ADAMTS12: variants seen among roughly 807,000 people sequenced by gnomAD.
The protein encoded by ADAMTS12 is A disintegrin and metalloproteinase with thrombospondin motifs 12.
ADAMTS12 carries 118 observed loss-of-function variants against 167.8 expected under a neutral mutation model. That is an observed-to-expected ratio of 0.70 (90% CI 0.61 to 0.82). The LOEUF is 0.82. ADAMTS12 is among the 40% of genes least tolerant of loss of function. ADAMTS12 has a pLI of 0.00. For synonymous variants in ADAMTS12, 704 were observed against 716.9 expected, an observed-to-expected ratio of 0.98 and a Z score of 0.29; for missense variants, 1,916 against 1,998.8, an observed-to-expected ratio of 0.96 and a Z score of 0.79.
chr5:33,580,649 AT>A (rs1163340266), intron 18 of ADAMTS12, among the ~76,000 whole-genome samples: 1 of 152,244 alleles, frequency 6.6e-6, no homozygotes, highest in African/African-American at 2.4e-5. Flanking sequence ...TAACAGCTAC[AT>A]TTGGCCCACT....
At chr5:33,881,009 G>A in intron 2 of ADAMTS12, 110 bp downstream of exon 2, 2 of 1,465,486 alleles carry the variant, frequency 1.4e-6, no homozygotes, top group East Asian at 4.6e-5. Flanking sequence ...CACATCACAG[G>A]GGTTCAACTC....
In ADAMTS12 at chr5:33,576,805, G is replaced by C; in HGVS notation, c.3221C>G (p.Pro1074Arg). The change falls in exon 19 of 24, where the codon CCT becomes CGT. Residue 1074 changes from proline (P) to arginine (R), a missense_variant. Physicochemically the swap from Pro to Arg is moderately radical, Grantham distance 103. Coordinates refer to ENST00000504830, the MANE Select transcript of ADAMTS12 (RefSeq NM_030955.4). Reference protein sequence around the residue: ...GKQWQDSSTQPELSSRYLIST... With the variant: ...GKQWQDSSTQRELSSRYLIST... The stretch of plus-strand genomic sequence containing the variant: ...AATGAGATAGCGAGAGCTCAGCTCA[G>C]GTTGGGTTGAGCTATCTTGCCACTG... 6.2e-7 allele frequency: 1 copy of C among 1,614,224 alleles called. No individual in the cohort carries two copies.
At chr5:33,886,552 G>GTA (rs1230852439) in intron 1 of ADAMTS12, among the ~76,000 whole-genome samples, 1 of 152,252 alleles carries the variant, frequency 6.6e-6, no homozygotes, top group Non-Finnish European at 1.5e-5. Flanking sequence ...TTGGCAAAGA[G>GTA]TATAGCAGGG....
chr5:33,806,227 A>G (rs1339968524), intron 2 of ADAMTS12, among the ~76,000 whole-genome samples: 2 of 152,206 alleles, frequency 1.3e-5, no homozygotes, highest in Non-Finnish European at 2.9e-5. Flanking sequence ...ATGAAAATAC[A>G]AAAAAATACT....
intron 2 of ADAMTS12, among the ~76,000 whole-genome samples, chr5:33,824,723 T>C (rs1747994008): frequency 6.6e-6 from 1 of 152,148 alleles, no homozygotes; most frequent in Non-Finnish European, 1.5e-5. Flanking sequence ...CAGCAGAGAC[T>C]GCCTCAGTGT....
In ADAMTS12 at chr5:33,862,163, G is replaced by A. The variant is rs189446522; in HGVS notation, c.489+18956C>T. ...CAAATTCAAAACCTAGCAAAAGACA[G>A]GAAATAACTAAGATCAGAGCAGAAT... On this transcript the variant is annotated intron_variant, in intron 2 of 23. Coordinates refer to ENST00000504830, the MANE Select transcript of ADAMTS12 (RefSeq NM_030955.4). Among the ~76,000 whole-genome samples, 5 of 151,872 alleles carry A rather than the reference G, an allele frequency of 3.3e-5. No individual in the cohort carries two copies. In the East Asian group the frequency reaches 9.7e-4, roughly 29 times the overall value.
Position 33,529,074 on chromosome 5 carries a change from A to G in ADAMTS12, c.4607-1708T>C, listed in dbSNP as rs371180031. Among the ~76,000 whole-genome samples, 11 of 152,106 alleles carry G rather than the reference A, an allele frequency of 7.2e-5. No homozygotes were observed. In the East Asian group the frequency reaches 1.3e-3, roughly 19 times the overall value. ...AAAAGAAGAAAAAAAATAATAACCA[A>G]TGCTTCCAGAGTGAGTGAGGGATAC... is the stretch of plus-strand genomic sequence containing the variant. On this transcript the variant is annotated intron_variant, in intron 23 of 23. Transcript: ENST00000504830.
chr5:33,726,377 C>T (rs1743982374), intron 3 of ADAMTS12, among the ~76,000 whole-genome samples: 1 of 152,074 alleles, frequency 6.6e-6, no homozygotes, highest in African/African-American at 2.4e-5. Flanking sequence ...GTCAACTCAC[C>T]ACCAAAACCC....
chr5:33,651,944 T>C (rs34076126), intron 7 of ADAMTS12, among the ~76,000 whole-genome samples: 4,373 of 152,270 alleles, frequency 0.029, 96 homozygotes, highest in Non-Finnish European at 0.043. Flanking sequence ...TCCAACTCCA[T>C]CTATGTTGCT....
chr5:33,538,494 C>T (rs77055001), intron 22 of ADAMTS12, among the ~76,000 whole-genome samples: 2,154 of 152,228 alleles, frequency 0.014, 45 homozygotes, highest in African/African-American at 0.05. Flanking sequence ...GCCAATGAGA[C>T]ATGAGATACA....
chr5:33,683,722 G>T (rs1742217288), intron 4 of ADAMTS12, 137 bp downstream of exon 4: 3 of 487,250 alleles, frequency 6.2e-6, no homozygotes, highest in Admixed American at 4.3e-5. Flanking sequence ...TCATCCTTAG[G>T]CAGGTACTAG....
At chr5:33,561,537 C>G (rs1745750282) in intron 19 of ADAMTS12, among the ~76,000 whole-genome samples, 4 of 152,204 alleles carry the variant, frequency 2.6e-5, no homozygotes, top group Admixed American at 2.6e-4. Context: ...AATCCCAACA[C>G]TATGGGAGGC....
intron 20 of ADAMTS12, among the ~76,000 whole-genome samples, chr5:33,551,431 A>G (rs1356594190): frequency 6.6e-6 from 1 of 152,232 alleles, no homozygotes; most frequent in Non-Finnish European, 1.5e-5. Context: ...TAAGCACACA[A>G]AGAAAAACAG....
intron 13 of ADAMTS12, among the ~76,000 whole-genome samples, chr5:33,627,001 G>A (rs957126852): frequency 3.3e-5 from 5 of 151,032 alleles, no homozygotes; most frequent in African/African-American, 1.2e-4. Flanking sequence ...TGGTAATGGT[G>A]GTGGTGATGC....
intron 16 of ADAMTS12, among the ~76,000 whole-genome samples, chr5:33,607,384 CAT>C (rs1237286845): frequency 1.3e-5 from 2 of 152,144 alleles, no homozygotes; most frequent in Admixed American, 6.5e-5. Context: ...AAAATTAAAA[CAT>C]AAAAATCAAG....
intron 3 of ADAMTS12, among the ~76,000 whole-genome samples, chr5:33,732,614 A>G (rs943744337): frequency 1.3e-5 from 2 of 152,242 alleles, no homozygotes; most frequent in Non-Finnish European, 2.9e-5. Context: ...ACAACAAATT[A>G]GAGAAGATTT....
intron 3 of ADAMTS12, among the ~76,000 whole-genome samples, chr5:33,686,224 G>T (rs1388434688): frequency 1.3e-5 from 2 of 152,014 alleles, no homozygotes; most frequent in Admixed American, 1.3e-4. Flanking sequence ...CTTGGCCCCC[G>T]CAGGCTCAGC....
intron 2 of ADAMTS12, among the ~76,000 whole-genome samples, chr5:33,762,589 A>G (rs1745397624): frequency 6.6e-6 from 1 of 152,158 alleles, no homozygotes; most frequent in Admixed American, 6.5e-5. Flanking sequence ...ACGTACAGAG[A>G]AAGGGGTGAC....
At chr5:33,891,584 G>T (rs925690991) in intron 1 of ADAMTS12, 146 bp downstream of exon 1, 36 of 1,210,116 alleles carry the variant, frequency 3.0e-5, no homozygotes, top group Non-Finnish European at 4.1e-5. Context: ...AGGCTCCTGA[G>T]GTCCCAGCCC....
Sources: allele counts gnomAD v4.1 joint callset (sites outside exome capture counted in the v4.1 genomes callset), GRCh38; gene constraint gnomAD v4.1.1; transcripts MANE v1.5; gene names NCBI Gene and HGNC (gene_info 2026-07-23, HGNC 2026-07-21).